Variants in ADGRL2 observed in about 807,000 individuals in gnomAD.
The protein encoded by ADGRL2 is adhesion G protein-coupled receptor L2.
ADGRL2 carries 44 observed loss-of-function variants against 157.4 expected under a neutral mutation model. The observed-to-expected ratio is 0.28, with a 90% confidence interval of 0.22 to 0.36. The LOEUF is 0.36. Among genes scored for constraint, ADGRL2 ranks in the 10% least tolerant of loss-of-function variants. The pLI is 1.00. For missense variants in ADGRL2, 1,510 were observed against 1,768.9 expected (o/e 0.85, Z 2.63); for synonymous variants, 585 against 624.7 (o/e 0.94, Z 0.95).
intron 19 of ADGRL2, among the ~76,000 whole-genome samples, chr1:81,982,242 G>T (rs1305177195): frequency 1.3e-5 from 2 of 151,890 alleles, no homozygotes; most frequent in Non-Finnish European, 2.9e-5. Flanking sequence ...TCTATAAAAT[G>T]CTAGGTACAA....
chr1:81,859,563 C>T (rs1440310140), intron 2 of ADGRL2, among the ~76,000 whole-genome samples: 3 of 151,800 alleles, frequency 2.0e-5, no homozygotes, highest in South Asian at 2.1e-4. Context: ...TGCACCACCA[C>T]GCTCGGCTAA....
chr1:81,743,393 G>GTT (rs5775639), intron 1 of ADGRL2, among the ~76,000 whole-genome samples: 8,079 of 136,732 alleles, frequency 0.059, 267 homozygotes, highest in East Asian at 0.12. Context: ...ATAACAGAAG[G>GTT]TTTTTTTTTT....
chr1:81,467,634 G>GC (rs951075085), intron 2 of ADGRL2, among the ~76,000 whole-genome samples: 5 of 152,084 alleles, frequency 3.3e-5, no homozygotes, highest in African/African-American at 1.2e-4. Flanking sequence ...GAGATTTCCT[G>GC]CCCATCCATG....
intron 3 of ADGRL2, among the ~76,000 whole-genome samples, chr1:81,595,174 A>C (rs1359211417): frequency 6.6e-6 from 1 of 152,140 alleles, no homozygotes; most frequent in Non-Finnish European, 1.5e-5. Context: ...GGGGCAGGGG[A>C]TGGGAAGTAA....
intron 2 of ADGRL2, among the ~76,000 whole-genome samples, chr1:81,859,616 C>G (rs2093326099): frequency 6.6e-6 from 1 of 151,916 alleles, no homozygotes; most frequent in African/African-American, 2.4e-5. Flanking sequence ...CCATGTTTCC[C>G]AGGCTAGGCT....
At chr1:81,874,801 G>A (rs1307370234) in intron 2 of ADGRL2, among the ~76,000 whole-genome samples, 1 of 151,912 alleles carries the variant, frequency 6.6e-6, no homozygotes, top group African/African-American at 2.4e-5. Context: ...TGCCTCCTGG[G>A]TTCAAGTGAT....
chr1:81,766,756 G>GGA (rs779923448), intron 2 of ADGRL2, among the ~76,000 whole-genome samples: 18 of 147,608 alleles, frequency 1.2e-4, no homozygotes, highest in Non-Finnish European at 2.2e-4. Flanking sequence ...CTTGAACCCA[G>GGA]GAGGCGGAGA....
chr1:81,718,759 C>G (rs2084201059), intron 1 of ADGRL2, among the ~76,000 whole-genome samples: 1 of 152,194 alleles, frequency 6.6e-6, no homozygotes, highest in Non-Finnish European at 1.5e-5. Flanking sequence ...ACAGCAGGAT[C>G]TCTTTTGTAA....
chr1:81,942,903 T>C, intron 5 of ADGRL2, 66 bp from the exon 6 acceptor site: 6 of 1,199,094 alleles, frequency 5.0e-6, no homozygotes, highest in Non-Finnish European at 7.3e-6. Flanking sequence ...TTGTGATCAC[T>C]GAAACTTGTT....
intron 1 of ADGRL2, among the ~76,000 whole-genome samples, chr1:81,808,012 G>T (rs1409674745): frequency 1.3e-5 from 2 of 149,874 alleles, no homozygotes; most frequent in African/African-American, 4.9e-5. Context: ...ATTATCTAAA[G>T]GAAAAAAAAA....
At chr1:81,360,184 C>T (rs542335532) in intron 1 of ADGRL2, among the ~76,000 whole-genome samples, 23 of 152,006 alleles carry the variant, frequency 1.5e-4, no homozygotes, top group Non-Finnish European at 2.5e-4. Flanking sequence ...ATAAGCTTCA[C>T]TCTGCCTATT....
At chr1:81,984,404 CTGATTACTATTTCAGTAATTTTAATT>C in intron 19 of ADGRL2, 153 bp from the exon 20 acceptor site, 2 of 541,564 alleles carry the variant, frequency 3.7e-6, no homozygotes, top group Non-Finnish European at 6.4e-6. Context: ...AGATACTTTT[CTGATTACTATTTCAGTAATTTTAATT>C]GAACTTGATT....
chr1:81,954,602 A>T (rs1652877701), intron 10 of ADGRL2, among the ~76,000 whole-genome samples: 1 of 152,082 alleles, frequency 6.6e-6, no homozygotes, highest in Non-Finnish European at 1.5e-5. Flanking sequence ...TCTGCAGACC[A>T]ATTTCTGTTC....
intron 3 of ADGRL2, among the ~76,000 whole-genome samples, chr1:81,647,036 A>G (rs2082328326): frequency 6.6e-6 from 1 of 152,248 alleles, no homozygotes; most frequent in Non-Finnish European, 1.5e-5. Flanking sequence ...ATCTTGTAAG[A>G]ATAAATATTG....
chr1:81,460,309 A>G (rs2077899942), intron 2 of ADGRL2, among the ~76,000 whole-genome samples: 1 of 151,854 alleles, frequency 6.6e-6, no homozygotes, highest in Admixed American at 6.6e-5. Context: ...TTGGGTTGAT[A>G]TCTCCAGAAT....
intron 2 of ADGRL2, among the ~76,000 whole-genome samples, chr1:81,453,853 T>C (rs2077748718): frequency 1.3e-5 from 2 of 152,150 alleles, no homozygotes; most frequent in African/African-American, 2.4e-5. Context: ...TCACTTACAA[T>C]TGTGTCAAGG....
intron 2 of ADGRL2, among the ~76,000 whole-genome samples, chr1:81,895,072 G>C (rs2094352436): frequency 6.6e-6 from 1 of 152,152 alleles, no homozygotes; most frequent in Admixed American, 6.5e-5. Flanking sequence ...GGGATATAGT[G>C]TCTTTCCTTT....
At chr1:81,501,916 G>A in intron 2 of ADGRL2, 2 of 1,613,784 alleles carry the variant, frequency 1.2e-6, no homozygotes, top group Non-Finnish European at 1.7e-6. Flanking sequence ...ATGCCCAAAA[G>A]CTGGTCACGC....
intron 1 of ADGRL2, among the ~76,000 whole-genome samples, chr1:81,391,517 C>T (rs916995250): frequency 2.6e-5 from 4 of 152,410 alleles, no homozygotes; most frequent in Admixed American, 6.5e-5. Context: ...CAATCATTTC[C>T]TATCTGTGGC....
Sources: gnomAD v4.1 joint callset for allele counts (sites outside exome capture counted in the v4.1 genomes callset) on GRCh38, gnomAD v4.1.1 for gene constraint, MANE v1.5 for transcripts, NCBI Gene and HGNC (gene_info 2026-07-23, HGNC 2026-07-21) for gene names.